NEXMIF: variants seen among roughly 807,000 people sequenced by gnomAD.
NEXMIF encodes the protein neurite extension and migration factor.
A neutral mutation model predicts 62.1 loss-of-function variants in NEXMIF; 8 were observed. The ratio of observed to expected loss-of-function variants is 0.13; its 90% confidence interval spans 0.08 to 0.23. The LOEUF (loss-of-function observed/expected upper bound fraction) is 0.23. NEXMIF is among the 10% of genes least tolerant of loss of function. The pLI, the probability that NEXMIF is intolerant of heterozygous loss-of-function variation, is 1.00. For missense variants in NEXMIF, 976 were observed against 1,113.3 expected (o/e 0.88, Z 1.75); for synonymous variants, 404 against 416.6 (o/e 0.97, Z 0.37).
intron 1 of NEXMIF, among the ~76,000 whole-genome samples, chrX:74,785,525 C>T (rs1219697349): frequency 9.0e-6 from 1 of 111,502 alleles, no homozygotes; most frequent in Non-Finnish European, 1.9e-5. Context: ...CACTCATTCC[C>T]CCTTTGCATA....
intron 1 of NEXMIF, among the ~76,000 whole-genome samples, chrX:74,810,635 C>A (rs115785220): frequency 0.023 from 1,643 of 71,065 alleles, no homozygotes; most frequent in African/African-American, 0.026. Context: ...CCTCCCTCTA[C>A]AAAAAAAAAA....
Position 74,741,470 on chromosome X carries a change from A to G in NEXMIF, c.3087T>C (p.His1029=), listed in dbSNP as rs1039271812. The change falls in exon 3 of 4, where the codon CAT becomes CAC. Residue 1029 remains histidine, a synonymous_variant. Transcript: ENST00000055682. ...GCTGGATCACCAGCTTAGGGCTGCAATGGGCCAGGAAGTCATCAGTGATAT... is the reference window on the plus strand; with the variant it reads ...GCTGGATCACCAGCTTAGGGCTGCAGTGGGCCAGGAAGTCATCAGTGATAT... ...DDDITDDFLA[H]CSPKLVIQQS... The G allele has an allele frequency of 2.5e-6, 3 of 1,211,508 alleles. No homozygotes were observed. Among genetic ancestry groups the G allele is most frequent in the Non-Finnish European group, 3.4e-6 (3 of 895,407 alleles).
intron 1 of NEXMIF, among the ~76,000 whole-genome samples, chrX:74,799,656 G>T (rs1018056575): frequency 2.7e-5 from 3 of 110,775 alleles, no homozygotes; most frequent in Non-Finnish European, 5.7e-5. Context: ...TTGGAGACAG[G>T]GTCTTGCTCT....
intron 1 of NEXMIF, among the ~76,000 whole-genome samples, chrX:74,791,287 T>C (rs1368672224): frequency 8.9e-6 from 1 of 111,843 alleles, no homozygotes; most frequent in Non-Finnish European, 1.9e-5. Context: ...ATTTATTGAT[T>C]TGTGTATATT....
chrX:74,851,135 T>G (rs2080511938), intron 1 of NEXMIF, among the ~76,000 whole-genome samples: 1 of 110,442 alleles, frequency 9.1e-6, no homozygotes, highest in Non-Finnish European at 1.9e-5. Context: ...ATTTCAGGAC[T>G]TGACGACAGG....
At chrX:74,903,128 G>A (rs928217864) in intron 1 of NEXMIF, among the ~76,000 whole-genome samples, 2 of 111,422 alleles carry the variant, frequency 1.8e-5, no homozygotes, top group African/African-American at 3.3e-5. Flanking sequence ...CTGGAAGCAA[G>A]AGCACCCTAT....
chrX:74,844,875 A>G (rs1343625784), intron 1 of NEXMIF, among the ~76,000 whole-genome samples: 1 of 112,307 alleles, frequency 8.9e-6, no homozygotes, highest in African/African-American at 3.2e-5. Flanking sequence ...TCCCTTAATT[A>G]TATCTATTAA....
At chrX:74,863,080 G>A (rs1235380728) in intron 1 of NEXMIF, among the ~76,000 whole-genome samples, 1 of 109,534 alleles carries the variant, frequency 9.1e-6, no homozygotes, top group Non-Finnish European at 1.9e-5. Flanking sequence ...GCTGAGGCAT[G>A]AGAATCACTT....
intron 1 of NEXMIF, among the ~76,000 whole-genome samples, chrX:74,849,296 C>A (rs1170408931): frequency 8.9e-6 from 1 of 112,623 alleles, no homozygotes; most frequent in Non-Finnish European, 1.9e-5. Flanking sequence ...GGAAGAAAGG[C>A]ACTCTGCTCA....
chrX:74,855,285 A>G (rs1336053278), intron 1 of NEXMIF, among the ~76,000 whole-genome samples: 2 of 112,275 alleles, frequency 1.8e-5, no homozygotes, highest in African/African-American at 6.5e-5. Flanking sequence ...ACTGATTTCT[A>G]TGAAGGCACA....
At chrX:74,816,776 C>A (rs1289406497) in intron 1 of NEXMIF, among the ~76,000 whole-genome samples, 1 of 111,811 alleles carries the variant, frequency 8.9e-6, no homozygotes, top group African/African-American at 3.2e-5. Flanking sequence ...CAGGAAAATA[C>A]CCCTATCACA....
At chrX:74,920,294 C>A (rs2080822229) in intron 1 of NEXMIF, among the ~76,000 whole-genome samples, 1 of 111,254 alleles carries the variant, frequency 9.0e-6, no homozygotes, top group South Asian at 3.9e-4. Context: ...CCTGTTGTTT[C>A]CTGACTTTTT....
chrX:74,813,806 T>G (rs909293111), intron 1 of NEXMIF, among the ~76,000 whole-genome samples: 3 of 112,322 alleles, frequency 2.7e-5, no homozygotes, highest in Non-Finnish European at 3.8e-5. Context: ...AAGGACTCAA[T>G]GAATAAGCTA....
At chrX:74,840,601 G>T (rs764564070) in intron 1 of NEXMIF, among the ~76,000 whole-genome samples, 6 of 111,605 alleles carry the variant, frequency 5.4e-5, no homozygotes, top group Non-Finnish European at 9.4e-5. Flanking sequence ...TGTCTTCCAG[G>T]GTTTTTATAG....
chrX:74,887,521 A>G lies in NEXMIF; in HGVS notation c.-48+37362T>C, dbSNP rs759191379. On this transcript the variant is annotated intron_variant, in intron 1 of 3. Coordinates refer to ENST00000055682, the MANE Select transcript of NEXMIF (RefSeq NM_001008537.3). ...AGACACTTCTCAAAAGAAGACATTT[A>G]TTCAGCCAAAAAACACATGAAGAAA... Among the ~76,000 whole-genome samples the G allele has an allele frequency of 3.8e-3, 426 of 112,595 alleles. 2 individuals carry two copies. Among genetic ancestry groups the G allele is most frequent in the African/African-American group, 0.013 (403 of 30,994 alleles).
rs145679624 is a variant in NEXMIF at position 74,882,331 on chromosome X, G to A, written c.-48+42552C>T. On this transcript the variant is annotated intron_variant, in intron 1 of 3. Transcript: ENST00000055682. ...AGTGGGTGCAGTGCACCGTGCGTGA[G>A]TCGAAGGAGGTCAAGGCTTCGCCTC... is the stretch of plus-strand genomic sequence containing the variant. 7.9e-3 allele frequency among the ~76,000 whole-genome samples: 890 copies of A among 112,075 alleles called. 11 individuals are homozygous for A. Among genetic ancestry groups the A allele is most frequent in the African/African-American group, 0.026 (801 of 30,843 alleles).
intron 1 of NEXMIF, among the ~76,000 whole-genome samples, chrX:74,808,773 T>C (rs951093403): frequency 2.0e-4 from 22 of 112,116 alleles, no homozygotes; most frequent in African/African-American, 7.1e-4. Flanking sequence ...CTTTTACTGA[T>C]AACATTCCAA....
At chrX:74,792,359 T>A (rs1166904771) in intron 1 of NEXMIF, among the ~76,000 whole-genome samples, 1 of 104,384 alleles carries the variant, frequency 9.6e-6, no homozygotes, top group African/African-American at 3.5e-5. Flanking sequence ...ATAATTTCTG[T>A]TCTTTTACAT....
At chrX:74,814,576 T>G (rs1240730550) in intron 1 of NEXMIF, among the ~76,000 whole-genome samples, 2 of 111,955 alleles carry the variant, frequency 1.8e-5, no homozygotes, top group Non-Finnish European at 3.8e-5. Flanking sequence ...CCTGGGGAAT[T>G]TCCAGTTTAC....
Sources: allele counts gnomAD v4.1 joint callset (sites outside exome capture counted in the v4.1 genomes callset), GRCh38; gene constraint gnomAD v4.1.1; transcripts MANE v1.5; gene names NCBI Gene and HGNC (gene_info 2026-07-23, HGNC 2026-07-21).